Variants in GPR180 observed in about 807,000 individuals in gnomAD.
The protein encoded by GPR180 is integral membrane protein GPR180.
GPR180 carries 53 observed loss-of-function variants against 52.6 expected under a neutral mutation model. The observed-to-expected ratio is 1.01, with a 90% confidence interval of 0.81 to 1.27. The LOEUF (loss-of-function observed/expected upper bound fraction) is 1.27. Ranked by LOEUF, GPR180 falls within the 50% of genes most tolerant of loss-of-function variation. The pLI, the probability that GPR180 is intolerant of heterozygous loss-of-function variation, is 0.00. For missense variants in GPR180, 533 were observed against 527.0 expected, an observed-to-expected ratio of 1.01 and a Z score of -0.11; for synonymous variants, 200 against 193.1, an observed-to-expected ratio of 1.04 and a Z score of -0.30.
chr13:94,611,857 A>G (rs951176171), intron 2 of GPR180, among the ~76,000 whole-genome samples: 2 of 151,212 alleles, frequency 1.3e-5, no homozygotes, highest in South Asian at 4.2e-4. Flanking sequence ...GGCCCCTCCC[A>G]TCGCTCCCAA....
chr13:94,603,032 T>C (rs1043405320), intron 1 of GPR180, among the ~76,000 whole-genome samples: 4 of 151,220 alleles, frequency 2.6e-5, no homozygotes, highest in Non-Finnish European at 5.9e-5. Context: ...AAAAGGAATT[T>C]AAAGTATTGG....
At chr13:94,620,987 TAAA>T in intron 5 of GPR180, 88 bp from the exon 6 acceptor site, 21 of 1,014,640 alleles carry the variant, frequency 2.1e-5, no homozygotes, top group South Asian at 3.9e-5. Context: ...TGGTTTTTCT[TAAA>T]AAAAAAAAAA....
chr13:94,604,800 C>T (rs560436554), intron 1 of GPR180, among the ~76,000 whole-genome samples: 74 of 151,796 alleles, frequency 4.9e-4, no homozygotes, highest in African/African-American at 1.8e-3. Context: ...TGGTCTCAAA[C>T]TCTTGGGCTG....
At position 94,623,091 on chromosome 13, in the gene GPR180, A is replaced by G. The variant is rs550328889; in HGVS notation, c.895-18A>G. The G allele has an allele frequency of 2.5e-6, 4 of 1,587,988 alleles. No homozygotes were observed. In the South Asian group the frequency reaches 4.5e-5, roughly 18 times the overall value. On this transcript the variant is annotated intron_variant, in intron 6 of 8. Coordinates refer to ENST00000376958, the MANE Select transcript of GPR180 (RefSeq NM_180989.6). ...TATATTTTTTTTTCCTAAATGTAAT[A>G]TTGTTTTTCTTTTGCAGAGTGTTTT...
At position 94,628,693 on chromosome 13, in the gene GPR180, G is replaced by A. The variant is rs1017037467; in HGVS notation, c.*1522G>A. 1 of 151,982 alleles carries A rather than the reference G, an allele frequency of 6.6e-6. No homozygotes were observed. Among genetic ancestry groups the A allele is most frequent in the African/African-American group, 2.4e-5 (1 of 41,406 alleles). The allele number at this position is 151,982 out of a possible 1,614,324, so 9.4% of individuals were successfully genotyped here. A position where few individuals can be genotyped will look rare whatever the true frequency, so the allele number is the denominator to read the frequency against. On this transcript the variant is annotated 3_prime_UTR_variant, in exon 9 of 9. Coordinates refer to ENST00000376958, the MANE Select transcript of GPR180 (RefSeq NM_180989.6). ...TAAATCATCTCTCTATTAGTTCTTT[G>A]TAAATCACTTAGTACATTAGAGCTA...
intron 3 of GPR180, among the ~76,000 whole-genome samples, chr13:94,614,299 G>A (rs1475317820): frequency 2.0e-5 from 3 of 152,222 alleles, no homozygotes; most frequent in Non-Finnish European, 4.4e-5. Context: ...CTCTAGTGGA[G>A]TACAGATCAA....
intron 2 of GPR180, among the ~76,000 whole-genome samples, chr13:94,610,536 A>C (rs2139565852): frequency 6.6e-6 from 1 of 152,268 alleles, no homozygotes; most frequent in South Asian, 2.1e-4. Context: ...AGAGTTTGTA[A>C]ATTTATTTGC....
chr13:94,603,616 A>C (rs1243718258), intron 1 of GPR180, among the ~76,000 whole-genome samples: 1 of 152,210 alleles, frequency 6.6e-6, no homozygotes, highest in Non-Finnish European at 1.5e-5. Context: ...CCTCAGAGTC[A>C]CTTGTAAGAC....
chr13:94,612,858 A>G (rs1043173565), intron 3 of GPR180, among the ~76,000 whole-genome samples: 1 of 146,628 alleles, frequency 6.8e-6, no homozygotes, highest in Admixed American at 6.7e-5. Context: ...GCTACTTTGT[A>G]TGGGTAACTC....
intron 1 of GPR180, among the ~76,000 whole-genome samples, chr13:94,604,534 G>T (rs1594470054): frequency 6.6e-6 from 1 of 151,634 alleles, no homozygotes; most frequent in Admixed American, 6.6e-5. Context: ...AGGTTGCAGT[G>T]AGCCGAGATT....
chr13:94,632,164 A>T lies in GPR180; in HGVS notation c.*4993A>T, dbSNP rs1327122345. On this transcript the variant is annotated 3_prime_UTR_variant, in exon 9 of 9. Coordinates refer to ENST00000376958, the MANE Select transcript of GPR180 (RefSeq NM_180989.6). Reference sequence around the variant, plus strand: ...ACTGATGGTAATCAAGAAAATATTAAGTTATAAGTTATGTTCAGTAGCCTC... The same window carrying T: ...ACTGATGGTAATCAAGAAAATATTATGTTATAAGTTATGTTCAGTAGCCTC... The T allele has an allele frequency of 1.3e-5, 2 of 152,230 alleles. No individual in the cohort carries two copies. Among genetic ancestry groups the T allele is most frequent in the East Asian group, 3.8e-4 (2 of 5,196 alleles). The allele number at this position is 152,230 out of a possible 1,614,324, so 9.4% of individuals were successfully genotyped here. A position where few individuals can be genotyped will look rare whatever the true frequency, so the allele number is the denominator to read the frequency against.
rs1036299909 is a variant in GPR180, at chr13:94,629,484, C to T, written c.*2313C>T. On this transcript the variant is annotated 3_prime_UTR_variant, in exon 9 of 9. Coordinates refer to ENST00000376958, the MANE Select transcript of GPR180 (RefSeq NM_180989.6). ...GCATTTTACCTTCATTATTACTCAT[C>T]TCTATTGTGATAACCAGGCTCCCAT... 1 of 152,084 alleles carries T rather than the reference C, an allele frequency of 6.6e-6. No individual in the cohort carries two copies. Among genetic ancestry groups the T allele is most frequent in the Non-Finnish European group, 1.5e-5 (1 of 67,988 alleles). 9.4% of individuals were successfully genotyped at this position (152,084 alleles called of 1,614,324 possible). A position where few individuals can be genotyped will look rare whatever the true frequency, so the allele number is the denominator to read the frequency against.
chr13:94,620,727 A>G (rs1889839753), intron 5 of GPR180, among the ~76,000 whole-genome samples: 1 of 152,222 alleles, frequency 6.6e-6, no homozygotes, highest in South Asian at 2.1e-4. Flanking sequence ...TTTAATAAGC[A>G]GTGAGTTATA....
chr13:94,626,130 T>A, intron 8 of GPR180, 87 bp downstream of exon 8: 1 of 818,996 alleles, frequency 1.2e-6, no homozygotes, highest in Non-Finnish European at 1.9e-6. Context: ...GACCTATTTA[T>A]TTTTTAAGAC....
chr13:94,620,999 AAG>A (rs1379667928), intron 5 of GPR180, 77 bp from the exon 6 acceptor site: 6 of 1,320,650 alleles, frequency 4.5e-6, no homozygotes, highest in Admixed American at 2.8e-5. Context: ...AAAAAAAAAA[AAG>A]ATGTTCTCAA....
intron 2 of GPR180, among the ~76,000 whole-genome samples, chr13:94,608,621 T>C (rs777564731): frequency 6.6e-6 from 1 of 152,200 alleles, no homozygotes; most frequent in Non-Finnish European, 1.5e-5. Flanking sequence ...TGGTATGTTA[T>C]TTAGGAGCTT....
At chr13:94,619,560 G>C in intron 5 of GPR180, 43 bp downstream of exon 5, 1 of 1,471,568 alleles carries the variant, frequency 6.8e-7, no homozygotes, top group African/African-American at 1.4e-5. Context: ...TTTTACACTC[G>C]CTATCTGCTT....
intron 2 of GPR180, among the ~76,000 whole-genome samples, chr13:94,609,436 G>T (rs1021198649): frequency 3.3e-5 from 5 of 152,134 alleles, no homozygotes; most frequent in African/African-American, 1.2e-4. Context: ...CTAAAGGCCG[G>T]TATCACTTTA....
At chr13:94,625,104 G>A (rs114034074) in intron 7 of GPR180, among the ~76,000 whole-genome samples, 1,559 of 152,324 alleles carry the variant, frequency 0.01, 32 homozygotes, top group African/African-American at 0.034. Flanking sequence ...ATGAGCCACC[G>A]CGCCTAGCCT....
Sources: allele counts gnomAD v4.1 joint callset (sites outside exome capture counted in the v4.1 genomes callset), GRCh38; gene constraint gnomAD v4.1.1; transcripts MANE v1.5; gene names NCBI Gene and HGNC (gene_info 2026-07-23, HGNC 2026-07-21).